Variants in SLC27A6 observed in about 807,000 individuals in gnomAD.
SLC27A6 encodes the protein solute carrier family 27 member 6.
A neutral mutation model predicts 63.9 loss-of-function variants in SLC27A6; 74 were observed. That is an observed-to-expected ratio of 1.16 (90% confidence interval 0.96 to 1.40). The LOEUF is 1.40. SLC27A6 is among the 40% of genes most tolerant of loss of function. SLC27A6 has a pLI of 0.00. For missense variants in SLC27A6, 794 were observed against 732.9 expected, an observed-to-expected ratio of 1.08 and a Z score of -0.96; for synonymous variants, 287 against 260.8, an observed-to-expected ratio of 1.10 and a Z score of -0.97.
intron 1 of SLC27A6, among the ~76,000 whole-genome samples, chr5:128,971,379 T>G (rs762317063): frequency 7.9e-5 from 12 of 152,122 alleles, no homozygotes; most frequent in Non-Finnish European, 1.3e-4. Context: ...CCTATTATTA[T>G]TGTTTGGGGG....
chr5:128,969,273 T>G (rs56081013), intron 1 of SLC27A6, among the ~76,000 whole-genome samples: 1,692 of 152,330 alleles, frequency 0.011, 18 homozygotes, highest in Non-Finnish European at 0.016. Flanking sequence ...GTATGAACTT[T>G]AAAGTAGTTT....
At position 129,005,818 on chromosome 5, in the gene SLC27A6, T is replaced by C. The variant is rs188717186; in HGVS notation, c.970-10067T>C. ...TAGTGGAGACGGGGTTTCACGGTGT[T>C]AGCCAGGATGGTCTCGATCTCCTGA... is the stretch of plus-strand genomic sequence containing the variant. On this transcript the variant is annotated intron_variant, in intron 4 of 9. Transcript: ENST00000262462. Among the ~76,000 whole-genome samples, 406 of 151,654 alleles carry C rather than the reference T, an allele frequency of 2.7e-3. 2 individuals carry two copies. The highest frequency in any genetic ancestry group is 9.5e-3 in the African/African-American group (394 of 41,372).
intron 4 of SLC27A6, among the ~76,000 whole-genome samples, chr5:128,996,100 A>G (rs1751151179): frequency 6.6e-6 from 1 of 152,198 alleles, no homozygotes; most frequent in South Asian, 2.1e-4. Flanking sequence ...TGGATGTAGG[A>G]ATCTGAAGCT....
At chr5:129,022,290 A>T (rs1238762123) in intron 5 of SLC27A6, among the ~76,000 whole-genome samples, 1 of 152,222 alleles carries the variant, frequency 6.6e-6, no homozygotes, top group Admixed American at 6.5e-5. Flanking sequence ...ATTACATTAA[A>T]TAGAACTCTT....
At chr5:128,968,223 CAT>C (rs1749987274) in intron 1 of SLC27A6, among the ~76,000 whole-genome samples, 1 of 152,146 alleles carries the variant, frequency 6.6e-6, no homozygotes, top group Non-Finnish European at 1.5e-5. Flanking sequence ...AATAAACATA[CAT>C]GTGTGTGTGT....
At chr5:129,016,855 AACTTTTTAGGAGGAGAAGATTG>A (rs1166330014) in intron 5 of SLC27A6, among the ~76,000 whole-genome samples, 1 of 152,220 alleles carries the variant, frequency 6.6e-6, no homozygotes, top group African/African-American at 2.4e-5. Flanking sequence ...CAAATAAACC[AACTTTTTAGGAGGAGAAGATTG>A]ACAGCTGATT....
intron 6 of SLC27A6, among the ~76,000 whole-genome samples, chr5:129,026,180 C>T (rs994266727): frequency 7.2e-5 from 11 of 152,056 alleles, no homozygotes; most frequent in Non-Finnish European, 1.3e-4. Context: ...TCATAGTTTG[C>T]TGGACTCCAA....
At chr5:129,020,152 G>A (rs1752027486) in intron 5 of SLC27A6, among the ~76,000 whole-genome samples, 1 of 152,114 alleles carries the variant, frequency 6.6e-6, no homozygotes, top group South Asian at 2.1e-4. Context: ...AGAAAAAAAG[G>A]AAAGAATTGG....
chr5:129,009,341 T>G (rs1010257158), intron 4 of SLC27A6, among the ~76,000 whole-genome samples: 14 of 152,174 alleles, frequency 9.2e-5, no homozygotes, highest in Non-Finnish European at 1.8e-4. Context: ...AAATATGTAT[T>G]CTACTATTTC....
chr5:128,971,592 T>C (rs1231622948), intron 1 of SLC27A6, among the ~76,000 whole-genome samples: 1 of 151,954 alleles, frequency 6.6e-6, no homozygotes, highest in Non-Finnish European at 1.5e-5. Flanking sequence ...TGCTTTTTGT[T>C]TTTTTGTTTT....
chr5:128,972,401 A>G (rs954449230), intron 1 of SLC27A6, among the ~76,000 whole-genome samples: 5 of 152,176 alleles, frequency 3.3e-5, no homozygotes, highest in African/African-American at 1.2e-4. Context: ...ATGTACACCA[A>G]TCAAACGTAG....
chr5:128,989,923 C>CAAAAAA (rs11415836), intron 3 of SLC27A6, among the ~76,000 whole-genome samples: 2 of 96,474 alleles, frequency 2.1e-5, no homozygotes, highest in Non-Finnish European at 4.1e-5. Flanking sequence ...GACTCCGTCT[C>CAAAAAA]AAAAAAAAAA....
chr5:129,019,182 G>A (rs1406002444), intron 5 of SLC27A6, among the ~76,000 whole-genome samples: 1 of 151,998 alleles, frequency 6.6e-6, no homozygotes, highest in Admixed American at 6.6e-5. Flanking sequence ...AAACTGAAGA[G>A]ATATTGTCCC....
In SLC27A6 at chr5:128,990,358, A is replaced by G. The variant is rs763893815; in HGVS notation, c.863A>G (p.Lys288Arg). The change falls in exon 4 of 10, where the codon AAG (lysine) becomes AGG (arginine). Residue 288 changes from lysine to arginine, a missense_variant. Coordinates refer to ENST00000262462, the MANE Select transcript of SLC27A6 (RefSeq NM_001017372.3). ...CTTATAGGTGCCACTTGTGTGTTAA[A>G]GAAGAAATTTTCAGCAAGCCAGTTT... ...CVELGATCVL[K>R]KKFSASQFWS... The G allele has an allele frequency of 6.2e-7, 1 of 1,613,828 alleles. No individual in the cohort carries two copies.
chr5:129,004,747 G>T (rs933043045), intron 4 of SLC27A6, among the ~76,000 whole-genome samples: 1 of 152,120 alleles, frequency 6.6e-6, no homozygotes, highest in Admixed American at 6.5e-5. Context: ...TTGTATCTTA[G>T]GTGACGTACC....
At chr5:128,996,432 C>A (rs1311727854) in intron 4 of SLC27A6, among the ~76,000 whole-genome samples, 17 of 152,184 alleles carry the variant, frequency 1.1e-4, no homozygotes, top group Non-Finnish European at 2.4e-4. Context: ...AAATGTCTTA[C>A]ACTTGACTCC....
rs115801262 is a variant in SLC27A6, at chr5:129,016,615, C to T, written c.1164+536C>T. On this transcript the variant is annotated intron_variant, in intron 5 of 9. Transcript: ENST00000262462. ...CTCTCTCATATCACCATAATGATGC[C>T]TTTTCTTGTTCTGTTTCCAAATTTA... Among the ~76,000 whole-genome samples the T allele has an allele frequency of 9.2e-3, 1,388 of 151,406 alleles. 16 individuals are homozygous for T. Among genetic ancestry groups the T allele is most frequent in the African/African-American group, 0.031 (1,282 of 41,306 alleles).
intron 4 of SLC27A6, among the ~76,000 whole-genome samples, chr5:129,003,295 AAC>A (rs1751406318): frequency 7.0e-6 from 1 of 143,194 alleles, no homozygotes. Context: ...TATTCCCGTG[AAC>A]TGTTTGCAAA....
At chr5:128,970,020 A>C (rs2150126090) in intron 1 of SLC27A6, among the ~76,000 whole-genome samples, 1 of 152,182 alleles carries the variant, frequency 6.6e-6, no homozygotes, top group Non-Finnish European at 1.5e-5. Flanking sequence ...TATTGAGATA[A>C]TCATGTGGTT....
Sources: gnomAD v4.1 joint callset for allele counts (sites outside exome capture counted in the v4.1 genomes callset) on GRCh38, gnomAD v4.1.1 for gene constraint, MANE v1.5 for transcripts, NCBI Gene and HGNC (gene_info 2026-07-23, HGNC 2026-07-21) for gene names.